RALGAPA1: variants seen among roughly 807,000 people sequenced by gnomAD.
RALGAPA1 encodes the protein Ral GTPase activating protein catalytic subunit alpha 1, also known as ral GTPase-activating protein subunit alpha-1.
RALGAPA1 carries 52 observed loss-of-function variants against 269.6 expected under a neutral mutation model. The observed-to-expected ratio is 0.19, with a 90% CI of 0.15 to 0.24. The LOEUF (loss-of-function observed/expected upper bound fraction) is 0.24, where lower values mean the gene tolerates loss of function less well. Ranked by LOEUF, RALGAPA1 falls within the 10% of genes least tolerant of loss-of-function variation. RALGAPA1 has a pLI of 1.00. For synonymous variants in RALGAPA1, 817 were observed against 1,008.3 expected (o/e 0.81, Z 3.60); for missense variants, 1,917 against 3,013.9 (o/e 0.64, Z 8.52).
chr14:35,594,404 G>T (rs1162108244), intron 37 of RALGAPA1, among the ~76,000 whole-genome samples: 2 of 151,982 alleles, frequency 1.3e-5, no homozygotes, highest in Non-Finnish European at 2.9e-5. Context: ...ATTTATAAGG[G>T]TCTTATAAGT....
rs1202411732 is a variant in RALGAPA1, at chr14:35,725,137, C to T, written c.1753G>A (p.Val585Met). ...ACAGATTCCGTGACTCTGAGCAACA[C>T]AAGCAGCATCTGTTCCCTTAAAATA... ...DKKTWEQMLL[V>M]LLRVTESVLK... The change falls in exon 14 of 42, where the codon GTG (valine) becomes ATG (methionine). Residue 585 changes from valine to methionine, a missense_variant. Physicochemically the swap from Val to Met is conservative, Grantham distance 21 (BLOSUM62 1). Transcript: ENST00000680220. 9 of 1,574,944 alleles carry T rather than the reference C, an allele frequency of 5.7e-6. No individual in the cohort carries two copies. Among genetic ancestry groups the T allele is most frequent in the African/African-American group, 4.1e-5 (3 of 73,540 alleles).
In RALGAPA1 at chr14:35,590,626, CCCT is replaced by C. The variant is rs530541711; in HGVS notation, c.7209+5005_7209+5007del. ...CTACCATGATTTTAAGTCTCCTGAG[CCCT>C]CCCCAGCCATATGGAACTGTGAGTC... On this transcript the variant is annotated intron_variant, in intron 37 of 41. Coordinates refer to ENST00000680220, the MANE Select transcript of RALGAPA1 (RefSeq NM_001346249.2). 8.0e-4 allele frequency among the ~76,000 whole-genome samples: 122 copies of C among 152,288 alleles called. 4 individuals are homozygous for C. In the South Asian group the frequency reaches 0.012, roughly 15 times the overall value.
At chr14:35,636,038 C>T (rs1177687223) in intron 31 of RALGAPA1, among the ~76,000 whole-genome samples, 2 of 152,120 alleles carry the variant, frequency 1.3e-5, no homozygotes, top group Non-Finnish European at 1.5e-5. Flanking sequence ...GAAATTGTTA[C>T]TCATTTTACT....
chr14:35,587,070 C>T (rs1270006726), intron 37 of RALGAPA1, among the ~76,000 whole-genome samples: 6 of 152,062 alleles, frequency 3.9e-5, no homozygotes, highest in African/African-American at 1.4e-4. Context: ...TGGTAGAATT[C>T]GGCTGTGAAT....
chr14:35,695,620 G>C (rs1481273194), intron 17 of RALGAPA1, among the ~76,000 whole-genome samples: 2 of 152,032 alleles, frequency 1.3e-5, no homozygotes, highest in African/African-American at 2.4e-5. Flanking sequence ...AAAGAAACTG[G>C]GTCTGTAAGC....
chr14:35,712,555 C>T (rs1420696597), intron 16 of RALGAPA1, among the ~76,000 whole-genome samples: 1 of 152,140 alleles, frequency 6.6e-6, no homozygotes. Flanking sequence ...GTCACCCAGG[C>T]TGGAGGGCAG....
At chr14:35,610,696 C>G (rs990330145) in intron 35 of RALGAPA1, among the ~76,000 whole-genome samples, 1 of 152,124 alleles carries the variant, frequency 6.6e-6, no homozygotes, top group Non-Finnish European at 1.5e-5. Flanking sequence ...GCAAAAATAT[C>G]TGACTTGCAC....
intron 37 of RALGAPA1, among the ~76,000 whole-genome samples, chr14:35,574,102 T>C (rs1308025040): frequency 1.3e-5 from 2 of 152,162 alleles, no homozygotes; most frequent in African/African-American, 4.8e-5. Context: ...ATTGAAGTAA[T>C]AAACGATAGT....
chr14:35,694,437 A>T (rs2066740605), intron 17 of RALGAPA1, among the ~76,000 whole-genome samples: 1 of 152,186 alleles, frequency 6.6e-6, no homozygotes, highest in Non-Finnish European at 1.5e-5. Flanking sequence ...ACGATAGAGC[A>T]TCTATGTTTC....
At chr14:35,670,808 A>C (rs1285596697) in intron 26 of RALGAPA1, among the ~76,000 whole-genome samples, 1 of 152,026 alleles carries the variant, frequency 6.6e-6, no homozygotes, top group African/African-American at 2.4e-5. Flanking sequence ...CTGTAATCCC[A>C]GCTATTGAAG....
chr14:35,748,571 G>T lies in RALGAPA1; in HGVS notation c.1251+14C>A. ...GCCTTCCTTATAAATTAAAAATACT[G>T]AGAGGTATGTTACCTGACGAAATAT... On this transcript the variant is annotated intron_variant, in intron 10 of 41. Transcript: ENST00000680220. 3 of 1,587,908 alleles carry T rather than the reference G, an allele frequency of 1.9e-6. No homozygotes were observed. The highest frequency in any genetic ancestry group is 2.6e-6 in the Non-Finnish European group (3 of 1,168,724).
At chr14:35,654,778 G>A (rs1018610926) in intron 29 of RALGAPA1, among the ~76,000 whole-genome samples, 1 of 152,122 alleles carries the variant, frequency 6.6e-6, no homozygotes, top group Non-Finnish European at 1.5e-5. Flanking sequence ...TCTTTGCCCT[G>A]TTCCAATCAA....
intron 17 of RALGAPA1, among the ~76,000 whole-genome samples, chr14:35,692,092 A>G (rs17764125): frequency 0.038 from 5,797 of 152,226 alleles, 150 homozygotes; most frequent in Middle Eastern, 0.075. Context: ...ATAAGAGATC[A>G]TAAGAACTTC....
intron 18 of RALGAPA1, among the ~76,000 whole-genome samples, chr14:35,687,406 A>C (rs144594023): frequency 6.2e-4 from 94 of 152,296 alleles, no homozygotes; most frequent in Middle Eastern, 3.4e-3. Flanking sequence ...TATTCCTAAT[A>C]AACTACAAAG....
chr14:35,640,358 G>A (rs1282724190), intron 31 of RALGAPA1, among the ~76,000 whole-genome samples: 1 of 151,536 alleles, frequency 6.6e-6, no homozygotes, highest in African/African-American at 2.4e-5. Context: ...TGGCCACTAA[G>A]AAAAAAAGAA....
Position 35,652,257 on chromosome 14 carries a change from C to G in RALGAPA1, c.5608-384G>C, listed in dbSNP as rs1052456534. ...ATAGGCTGGGCACGGTGGCTCAAAC[C>G]CACTTTGGGAGCTTGGGCGACAGAG... On this transcript the variant is annotated intron_variant, in intron 30 of 41. Transcript: ENST00000680220. Among the ~76,000 whole-genome samples, 11 of 151,806 alleles carry G rather than the reference C, an allele frequency of 7.2e-5. No individual in the cohort carries two copies. In the South Asian group the frequency reaches 2.3e-3, roughly 32 times the overall value.
chr14:35,722,243 G>C (rs572483675), intron 15 of RALGAPA1, among the ~76,000 whole-genome samples: 53 of 152,324 alleles, frequency 3.5e-4, no homozygotes, highest in African/African-American at 1.3e-3. Flanking sequence ...AAAGTAGTTT[G>C]AGTACATAAT....
At chr14:35,790,548 T>C (rs768205484) in intron 1 of RALGAPA1, among the ~76,000 whole-genome samples, 5 of 151,688 alleles carry the variant, frequency 3.3e-5, no homozygotes, top group Non-Finnish European at 7.4e-5. Flanking sequence ...ATTAGCCAGG[T>C]GTGCTAGCGG....
Position 35,559,596 on chromosome 14 carries a change from G to A in RALGAPA1, c.7497-10362C>T, listed in dbSNP as rs149220620. On this transcript the variant is annotated intron_variant, in intron 39 of 41. Transcript: ENST00000680220. ...TTTTAGGGAATACTGTACTTTGTCC[G>A]TGCCCTGATGGAGTTCTCTTTCTTC... 3.8e-3 allele frequency among the ~76,000 whole-genome samples: 573 copies of A among 152,198 alleles called. 3 individuals carry two copies. Among genetic ancestry groups the A allele is most frequent in the African/African-American group, 0.013 (527 of 41,526 alleles).
Sources: gnomAD v4.1 joint callset for allele counts (sites outside exome capture counted in the v4.1 genomes callset) on GRCh38, gnomAD v4.1.1 for gene constraint, MANE v1.5 for transcripts, NCBI Gene and HGNC (gene_info 2026-07-23, HGNC 2026-07-21) for gene names.